Variants in INSL6 observed in about 807,000 individuals in gnomAD.
INSL6 encodes the protein insulin-like peptide INSL6.
INSL6 carries 16 observed loss-of-function variants against 9.4 expected under a neutral mutation model. The ratio of observed to expected loss-of-function variants is 1.70; its 90% CI spans 1.15 to 2.59. The LOEUF (loss-of-function observed/expected upper bound fraction) is 2.59, where lower values mean the gene tolerates loss of function less well. Ranked by LOEUF, INSL6 falls within the 30% of genes most tolerant of loss-of-function variation. INSL6 has a pLI of 0.00. For missense variants in INSL6, 391 were observed against 257.3 expected (o/e 1.52, Z -3.56); for synonymous variants, 154 against 96.9 (o/e 1.59, Z -3.46).
the INSL6 span, among the ~76,000 whole-genome samples, chr9:5,051,821 G>T: frequency 2.0e-5 from 3 of 152,002 alleles, no homozygotes; most frequent in African/African-American, 7.2e-5. Context: ...TACCCAATTT[G>T]CAGAGTATCA....
chr9:4,996,501 A>G, the INSL6 span, among the ~76,000 whole-genome samples: 3 of 151,916 alleles, frequency 2.0e-5, no homozygotes, highest in South Asian at 2.1e-4. Context: ...GAAGTATACT[A>G]TTCTGATTCT....
At chr9:5,165,432 C>A (rs1234147194) in intron 1 of INSL6, among the ~76,000 whole-genome samples, 2 of 152,156 alleles carry the variant, frequency 1.3e-5, no homozygotes, top group African/African-American at 4.8e-5. Context: ...ACATCCCCAT[C>A]AAAACTTGAC....
the INSL6 span, among the ~76,000 whole-genome samples, chr9:5,087,304 CA>C: frequency 8.5e-5 from 13 of 152,168 alleles, no homozygotes; most frequent in Non-Finnish European, 1.9e-4. Flanking sequence ...GGAGAAATGC[CA>C]GATGCTTACA....
At chr9:5,112,654 CCTT>C in the INSL6 span, 1 of 981,056 alleles carries the variant, frequency 1.0e-6, no homozygotes, top group East Asian at 2.9e-5. Flanking sequence ...AGACCAAACT[CCTT>C]ATCCTGCACC....
At chr9:5,032,713 C>T in the INSL6 span, among the ~76,000 whole-genome samples, 8 of 152,204 alleles carry the variant, frequency 5.3e-5, no homozygotes, top group Non-Finnish European at 1.0e-4. Context: ...AACTAACAAA[C>T]AGAAATGACA....
At chr9:5,155,016 A>G (rs2130898287) in intron 2 of INSL6, among the ~76,000 whole-genome samples, 1 of 152,074 alleles carries the variant, frequency 6.6e-6, no homozygotes, top group East Asian at 1.9e-4. Flanking sequence ...CTATAAAGAC[A>G]CATGCACACG....
At chr9:5,041,281 G>T in the INSL6 span, 10 of 1,079,562 alleles carry the variant, frequency 9.3e-6, no homozygotes, top group Non-Finnish European at 1.2e-5. Context: ...TGGCCAAGGG[G>T]TACACTGGTC....
the INSL6 span, among the ~76,000 whole-genome samples, chr9:5,083,002 T>A: frequency 3.3e-5 from 5 of 152,220 alleles, no homozygotes; most frequent in Non-Finnish European, 7.3e-5. Flanking sequence ...TCCCTATAAC[T>A]GAAGAACTTT....
the INSL6 span, among the ~76,000 whole-genome samples, chr9:5,043,120 G>A: frequency 1.3e-5 from 2 of 152,158 alleles, no homozygotes; most frequent in Non-Finnish European, 2.9e-5. Flanking sequence ...TAAAGCCCCC[G>A]ACCCAGCCCC....
chr9:5,078,737 T>G, the INSL6 span, among the ~76,000 whole-genome samples: 10 of 152,310 alleles, frequency 6.6e-5, no homozygotes, highest in East Asian at 1.9e-3. Flanking sequence ...GTAATATTCC[T>G]TGAGCCACAA....
chr9:5,086,039 T>A, the INSL6 span: 2 of 760,518 alleles, frequency 2.6e-6, no homozygotes, highest in South Asian at 2.7e-5. Context: ...AGGCAGGTGT[T>A]AAATGCTTCA....
chr9:5,035,661 TC>T, the INSL6 span, among the ~76,000 whole-genome samples: 1 of 151,920 alleles, frequency 6.6e-6, no homozygotes, highest in African/African-American at 2.4e-5. Flanking sequence ...GCAGAAAAGG[TC>T]TTTGGCAAAA....
At chr9:5,081,268 T>TG in the INSL6 span, among the ~76,000 whole-genome samples, 3 of 152,036 alleles carry the variant, frequency 2.0e-5, no homozygotes, top group Non-Finnish European at 2.9e-5. Context: ...TATTTTTTTT[T>TG]TGCTTAAATT....
At chr9:5,022,228 A>C in the INSL6 span, 1 of 1,582,914 alleles carries the variant, frequency 6.3e-7, no homozygotes, top group Non-Finnish European at 8.7e-7. Context: ...GTATTAAAAA[A>C]CAGCATTTTC....
At chr9:5,099,888 C>T in the INSL6 span, 10 of 152,186 alleles carry the variant, frequency 6.6e-5, 1 homozygote, top group South Asian at 4.1e-4. Context: ...TGTGAGCAGG[C>T]GCAGTAATTA....
At chr9:5,176,759 T>C (rs2130917680) in intron 1 of INSL6, among the ~76,000 whole-genome samples, 1 of 150,834 alleles carries the variant, frequency 6.6e-6, no homozygotes, top group African/African-American at 2.4e-5. Context: ...AAGAAAGTGA[T>C]ATAACTATCA....
the INSL6 span, among the ~76,000 whole-genome samples, chr9:5,021,074 T>C: frequency 4.6e-5 from 7 of 152,090 alleles, no homozygotes; most frequent in Non-Finnish European, 8.8e-5. Flanking sequence ...GAGTTTGCAG[T>C]GAAAATGTGG....
At chr9:5,030,773 C>G in the INSL6 span, among the ~76,000 whole-genome samples, 4 of 152,054 alleles carry the variant, frequency 2.6e-5, no homozygotes, top group Non-Finnish European at 4.4e-5. Context: ...TTCTCTTCCC[C>G]TATTCTATAT....
At chr9:5,077,676 T>G in the INSL6 span, 1 of 719,300 alleles carries the variant, frequency 1.4e-6, no homozygotes, top group Non-Finnish European at 2.1e-6. Context: ...AAATCTGTAA[T>G]TGGATGCCAA....
Sources: allele counts gnomAD v4.1 joint callset (sites outside exome capture counted in the v4.1 genomes callset), GRCh38; gene constraint gnomAD v4.1.1; transcripts MANE v1.5; gene names NCBI Gene and HGNC (gene_info 2026-07-23, HGNC 2026-07-21).